The following SLC44A5 variants were observed in gnomAD, a reference collection of about 807,000 sequenced individuals.
The protein encoded by SLC44A5 is choline transporter-like protein 5.
Under a neutral mutation model 101.8 loss-of-function variants are expected in SLC44A5, and 57 were observed. The observed-to-expected ratio is 0.56, with a 90% CI of 0.45 to 0.70. SLC44A5 has a LOEUF of 0.70. Among genes scored for constraint, SLC44A5 ranks in the 30% least tolerant of loss-of-function variants. The probability of loss-of-function intolerance (pLI) is 0.00; values close to 1 mark genes in which losing one functional copy is unlikely to be tolerated. For synonymous variants in SLC44A5, 281 were observed against 290.9 expected (o/e 0.97, Z 0.35); for missense variants, 737 against 853.1 (o/e 0.86, Z 1.70).
At chr1:75,594,563 T>C (rs1358480774) in intron 1 of SLC44A5, among the ~76,000 whole-genome samples, 1 of 152,040 alleles carries the variant, frequency 6.6e-6, no homozygotes, top group Non-Finnish European at 1.5e-5. Flanking sequence ...AACTGTAAAA[T>C]GGCATTCAAA....
At chr1:75,442,107 A>G (rs759284856) in intron 2 of SLC44A5, among the ~76,000 whole-genome samples, 5 of 152,184 alleles carry the variant, frequency 3.3e-5, no homozygotes, top group Non-Finnish European at 7.4e-5. Context: ...AAAACTGCCA[A>G]GAGATAGCTT....
intron 3 of SLC44A5, among the ~76,000 whole-genome samples, chr1:75,375,033 C>A (rs1423861775): frequency 1.3e-5 from 2 of 152,146 alleles, no homozygotes; most frequent in Non-Finnish European, 2.9e-5. Context: ...AAACAACTGA[C>A]ATAGAATTCA....
chr1:75,439,398 A>AATTAAAAACATTATTGTTGAT (rs1553180403), intron 2 of SLC44A5, among the ~76,000 whole-genome samples: 6 of 152,136 alleles, frequency 3.9e-5, no homozygotes, highest in African/African-American at 1.2e-4. Context: ...AACTTTTATA[A>AATTAAAAACATTATTGTTGAT]ATTAAAAACA....
chr1:75,564,811 A>T (rs899144579), intron 1 of SLC44A5, among the ~76,000 whole-genome samples: 2 of 152,074 alleles, frequency 1.3e-5, no homozygotes, highest in Non-Finnish European at 2.9e-5. Context: ...TTTAGCAGAG[A>T]TGGGGTTTCC....
chr1:75,642,013 G>A, the SLC44A5 span: 2 of 1,461,744 alleles, frequency 1.4e-6, no homozygotes, highest in Admixed American at 1.7e-5. Flanking sequence ...CTGCATGGTG[G>A]AAGAAATGTT....
intron 7 of SLC44A5, among the ~76,000 whole-genome samples, chr1:75,243,351 G>T (rs906878326): frequency 2.6e-5 from 4 of 151,760 alleles, no homozygotes; most frequent in Non-Finnish European, 5.9e-5. Context: ...TTCCCAGGCT[G>T]GTCTCAAACT....
chr1:75,355,210 C>T (rs1658979715), intron 3 of SLC44A5, among the ~76,000 whole-genome samples: 1 of 152,024 alleles, frequency 6.6e-6, no homozygotes, highest in Non-Finnish European at 1.5e-5. Flanking sequence ...GGTTGATGCA[C>T]ATGAAGACAT....
intron 6 of SLC44A5, among the ~76,000 whole-genome samples, chr1:75,267,551 T>G (rs990366328): frequency 2.0e-5 from 3 of 152,016 alleles, no homozygotes; most frequent in African/African-American, 7.2e-5. Flanking sequence ...TTTATTTTTA[T>G]TTTTATTTTT....
chr1:75,666,381 C>T, the SLC44A5 span, among the ~76,000 whole-genome samples: 1 of 151,872 alleles, frequency 6.6e-6, no homozygotes, highest in African/African-American at 2.4e-5. Context: ...AGGTATTTGA[C>T]TTCCCAGAAA....
the SLC44A5 span, among the ~76,000 whole-genome samples, chr1:75,683,928 GA>G: frequency 7.2e-6 from 1 of 137,960 alleles, no homozygotes; most frequent in African/African-American, 2.5e-5. Flanking sequence ...CATATTTATA[GA>G]AGACAAAATT....
intron 3 of SLC44A5, among the ~76,000 whole-genome samples, chr1:75,387,317 A>G (rs1171060315): frequency 4.7e-5 from 7 of 148,232 alleles, no homozygotes; most frequent in African/African-American, 1.3e-4. Context: ...CTCATCTGAC[A>G]AAGGGCTAAT....
chr1:75,528,730 C>G (rs1252304634), intron 2 of SLC44A5, among the ~76,000 whole-genome samples: 2 of 152,166 alleles, frequency 1.3e-5, no homozygotes, highest in African/African-American at 4.8e-5. Context: ...AAAACCCTAA[C>G]TATCTGGACC....
chr1:75,465,692 G>C (rs1370638286), intron 2 of SLC44A5, among the ~76,000 whole-genome samples: 1 of 151,984 alleles, frequency 6.6e-6, no homozygotes, highest in South Asian at 2.1e-4. Flanking sequence ...AAATGAAAAA[G>C]GAGATATTAC....
At chr1:75,397,341 G>T (rs1662189408) in intron 2 of SLC44A5, among the ~76,000 whole-genome samples, 1 of 152,094 alleles carries the variant, frequency 6.6e-6, no homozygotes, top group South Asian at 2.1e-4. Flanking sequence ...TGCTTTATCA[G>T]ACTTGCCAAC....
rs76361626 is a variant in SLC44A5, at chr1:75,409,345, A to G, written c.14-12724T>C. On this transcript the variant is annotated intron_variant, in intron 2 of 23. Transcript: ENST00000370859. ...CAGAATGTATTGGGTAATGAGTTCA[A>G]TAGAGGCCTAAAGCCCAGAATTAGT... Among the ~76,000 whole-genome samples the G allele has an allele frequency of 4.9e-3, 747 of 152,300 alleles. 10 individuals are homozygous for G. The highest frequency in any genetic ancestry group is 0.017 in the African/African-American group (715 of 41,576).
chr1:75,445,028 A>G (rs185954441), intron 2 of SLC44A5, among the ~76,000 whole-genome samples: 92 of 152,250 alleles, frequency 6.0e-4, no homozygotes, highest in Non-Finnish European at 1.5e-4. Context: ...CTCTCTCTTG[A>G]TGTAAATTCT....
intron 1 of SLC44A5, among the ~76,000 whole-genome samples, chr1:75,587,280 T>G (rs1242349914): frequency 6.6e-6 from 1 of 152,132 alleles, no homozygotes; most frequent in East Asian, 1.9e-4. Context: ...TAAACAAAAT[T>G]TGGCCTTAAA....
At chr1:75,257,202 A>C (rs569411354) in intron 6 of SLC44A5, among the ~76,000 whole-genome samples, 3 of 152,272 alleles carry the variant, frequency 2.0e-5, no homozygotes, top group Admixed American at 6.5e-5. Context: ...GGATACTGGT[A>C]GTAAGTTCAA....
upstream of SLC44A5, chr1:75,615,843 C>A: frequency 2.0e-6 from 2 of 986,814 alleles, no homozygotes; most frequent in Non-Finnish European, 2.4e-6. Flanking sequence ...GAGGAGGGAG[C>A]GGGACTCACC....
Sources: gnomAD v4.1 joint callset for allele counts (sites outside exome capture counted in the v4.1 genomes callset) on GRCh38, gnomAD v4.1.1 for gene constraint, MANE v1.5 for transcripts, NCBI Gene and HGNC (gene_info 2026-07-23, HGNC 2026-07-21) for gene names.